SCAF11: variants seen among roughly 807,000 people sequenced by gnomAD.
SCAF11 encodes protein SCAF11.
SCAF11 carries 47 observed loss-of-function variants against 140.5 expected under a neutral mutation model. That is an observed-to-expected ratio of 0.33 (90% CI 0.26 to 0.43). SCAF11 has a LOEUF of 0.43. SCAF11 is among the 20% of genes least tolerant of loss of function. The pLI, the probability that SCAF11 is intolerant of heterozygous loss-of-function variation, is 1.00. For missense variants in SCAF11, 1,645 were observed against 1,705.1 expected, an observed-to-expected ratio of 0.96 and a Z score of 0.62; for synonymous variants, 557 against 579.4, an observed-to-expected ratio of 0.96 and a Z score of 0.55.
chr12:45,931,460 T>C, intron 10 of SCAF11, 46 bp downstream of exon 10: 1 of 1,000,396 alleles, frequency 1.0e-6, no homozygotes, highest in Non-Finnish European at 1.4e-6. Flanking sequence ...TGGAAGAAAC[T>C]AATAATAATA....
chr12:45,933,296 G>C, intron 8 of SCAF11, 64 bp from the exon 9 acceptor site: 1 of 1,145,158 alleles, frequency 8.7e-7, no homozygotes, highest in Non-Finnish European at 1.3e-6. Context: ...AAACAATTAG[G>C]TTGTACAAAG....
chr12:45,991,764 G>A (rs1262505485), upstream of SCAF11: 5 of 625,880 alleles, frequency 8.0e-6, no homozygotes, highest in Non-Finnish European at 1.1e-5. Flanking sequence ...CAAGCTTCCG[G>A]TTGCTCTGCC....
chr12:45,942,867 C>A (rs1024683771), intron 6 of SCAF11, among the ~76,000 whole-genome samples: 2 of 152,142 alleles, frequency 1.3e-5, no homozygotes, highest in African/African-American at 2.4e-5. Context: ...CGTTTGTCTA[C>A]GAGAAGATCC....
intron 3 of SCAF11, among the ~76,000 whole-genome samples, chr12:45,956,541 C>T (rs1450157107): frequency 6.6e-6 from 1 of 152,118 alleles, no homozygotes; most frequent in Admixed American, 6.6e-5. Flanking sequence ...CTTTGTCAAT[C>T]CATATTAGTG....
intron 6 of SCAF11, among the ~76,000 whole-genome samples, chr12:45,940,955 T>C (rs760423016): frequency 6.6e-6 from 1 of 152,096 alleles, no homozygotes; most frequent in Non-Finnish European, 1.5e-5. Context: ...CAGGTGTGTA[T>C]CACCACACTT....
In SCAF11 at chr12:45,934,492, G is replaced by C; in HGVS notation, c.477C>G (p.Tyr159Ter). The C allele has an allele frequency of 6.3e-7, 1 of 1,586,152 alleles. No homozygotes were observed. Among genetic ancestry groups the C allele is most frequent in the Non-Finnish European group, 8.5e-7 (1 of 1,171,062 alleles). The change falls in exon 7 of 15, where the codon TAC becomes TAG. Residue 159 changes from tyrosine (Y) to a stop codon, truncating the protein, a stop_gained. Coordinates refer to ENST00000369367, the MANE Select transcript of SCAF11 (RefSeq NM_004719.3). LOFTEE classifies it high-confidence loss of function. ...DLKWIHRNSL[Y>*]SETGGKKNAA... Reference sequence around the variant, plus strand: ...CATTTTTCTTTCCTCCTGTTTCACTGTATAAAGAGTTTCCTGTACAAAGAC... The same window carrying C: ...CATTTTTCTTTCCTCCTGTTTCACTCTATAAAGAGTTTCCTGTACAAAGAC...
intron 1 of SCAF11, among the ~76,000 whole-genome samples, chr12:45,964,716 A>G (rs550340161): frequency 2.0e-5 from 3 of 152,146 alleles, no homozygotes; most frequent in African/African-American, 7.2e-5. Flanking sequence ...TAAGCAACAA[A>G]GCCTAAATGA....
At chr12:45,954,507 A>T (rs914517902) in intron 3 of SCAF11, among the ~76,000 whole-genome samples, 1 of 151,022 alleles carries the variant, frequency 6.6e-6, no homozygotes, top group Non-Finnish European at 1.5e-5. Flanking sequence ...TAATGGCGTG[A>T]GCTGCTGTAC....
rs1051099824 is a variant in SCAF11, at chr12:45,926,152, T to C, written c.3549A>G (p.Thr1183=). The change falls in exon 11 of 15, where the codon ACA becomes ACG. Residue 1183 remains threonine (T), a synonymous_variant. Transcript: ENST00000369367. ...QSGWMKQEEE[T]SGQDSSLKDQ... ...ACAAGAATACATTACCCTGTCCAGATGTTTCCTCCTCTTGTTTCATCCATC... is the reference window on the plus strand; with the variant it reads ...ACAAGAATACATTACCCTGTCCAGACGTTTCCTCCTCTTGTTTCATCCATC... 2 of 1,611,246 alleles carry C rather than the reference T, an allele frequency of 1.2e-6. No homozygotes were observed. The highest frequency in any genetic ancestry group is 1.7e-6 in the Non-Finnish European group (2 of 1,178,064).
chr12:45,928,371 C>T lies in SCAF11; in HGVS notation c.1330G>A (p.Ala444Thr). 1 of 1,614,122 alleles carries T rather than the reference C, an allele frequency of 6.2e-7. No individual in the cohort carries two copies. Among genetic ancestry groups the T allele is most frequent in the Non-Finnish European group, 8.5e-7 (1 of 1,180,004 alleles). Reference sequence around the variant, plus strand: ...TCATTGCAACTTTTCAAGCAATTAGCAGACTGGTTTTCTACATGAGTCTGC... The same window carrying T: ...TCATTGCAACTTTTCAAGCAATTAGTAGACTGGTTTTCTACATGAGTCTGC... ...TVQTHVENQS[A>T]NCLKSCNEQI... Residue 444 changes from alanine to threonine, a missense_variant, in exon 11 of 15, where the codon GCT becomes ACT. Ala to Thr is a moderately conservative substitution (Grantham distance 58, BLOSUM62 0). Around this residue, in one of 2 missense-constraint regions of SCAF11, gnomAD observed 1,582 missense variants for 1,609.2 expected, o/e 0.98. Transcript: ENST00000369367.
rs1386109057 is a variant in SCAF11 at position 45,942,362 on chromosome 12, GAAC to G, written c.463+2884_463+2886del. On this transcript the variant is annotated intron_variant, in intron 6 of 14. Transcript: ENST00000369367. The stretch of plus-strand genomic sequence containing the variant: ...AGAAAAACGTCACCTAAAATAAAAA[GAAC>G]AAAAAAGAAAAAAGCCACCTAAATA... Among the ~76,000 whole-genome samples the G allele has an allele frequency of 5.9e-5, 9 of 152,110 alleles. No homozygotes were observed. In the East Asian group the frequency reaches 1.5e-3, roughly 26 times the overall value.
intron 2 of SCAF11, 29 bp downstream of exon 2, chr12:45,964,074 CAACA>C (rs1443729105): frequency 1.9e-5 from 22 of 1,177,256 alleles, no homozygotes; most frequent in Middle Eastern, 1.9e-4. Context: ...GTTTTGCTTT[CAACA>C]AACAAACTTT....
At chr12:45,954,733 C>CTTTTTTTTTTTTTTTT (rs759746881) in intron 3 of SCAF11, 1 of 93,912 alleles carries the variant, frequency 1.1e-5, no homozygotes, top group Non-Finnish European at 1.9e-5. Context: ...CCGTGCCTAG[C>CTTTTTTTTTTTTTTTT]TTTTTTTTTT....
intron 6 of SCAF11, among the ~76,000 whole-genome samples, chr12:45,937,389 T>C (rs1945194515): frequency 6.6e-6 from 1 of 152,216 alleles, no homozygotes; most frequent in Non-Finnish European, 1.5e-5. Flanking sequence ...ATTAAGTTTT[T>C]TAAAGTTATT....
At position 45,928,467 on chromosome 12, in the gene SCAF11, C is replaced by G; in HGVS notation, c.1234G>C (p.Glu412Gln). 1 of 1,613,010 alleles carries G rather than the reference C, an allele frequency of 6.2e-7. No individual in the cohort carries two copies. The highest frequency in any genetic ancestry group is 8.5e-7 in the Non-Finnish European group (1 of 1,179,312). ...TCTAACACAGGTGATGTGTCAGATTCTGCTGTTTCTTCATCTACTGAATCA... is the reference window on the plus strand; with the variant it reads ...TCTAACACAGGTGATGTGTCAGATTGTGCTGTTTCTTCATCTACTGAATCA... Reference protein sequence around the residue: ...SNDSVDEETAESDTSPVLEKE... With the variant: ...SNDSVDEETAQSDTSPVLEKE... The change falls in exon 11 of 15, where the codon GAA (glutamate) becomes CAA (glutamine). Residue 412 changes from glutamate to glutamine, a missense_variant. By Grantham distance (29) the Glu-to-Gln change is conservative. Coordinates refer to ENST00000369367, the MANE Select transcript of SCAF11 (RefSeq NM_004719.3).
intron 1 of SCAF11, among the ~76,000 whole-genome samples, chr12:45,971,537 T>A (rs1423925146): frequency 6.6e-6 from 1 of 152,168 alleles, no homozygotes; most frequent in African/African-American, 2.4e-5. Flanking sequence ...CAGAATCCCC[T>A]GGCCTGGGAT....
intron 1 of SCAF11, among the ~76,000 whole-genome samples, chr12:45,971,484 T>C (rs896205319): frequency 2.0e-5 from 3 of 152,174 alleles, no homozygotes. Context: ...CAGAATCTGA[T>C]GCATCATCAA....
At chr12:45,964,290 G>A in intron 1 of SCAF11, 102 bp from the exon 2 acceptor site, 1 of 631,360 alleles carries the variant, frequency 1.6e-6, no homozygotes, top group South Asian at 2.0e-5. Flanking sequence ...ACACATAAAA[G>A]AACACAGTAC....
Position 45,953,714 on chromosome 12 carries a change from T to C in SCAF11, c.220-1987A>G, listed in dbSNP as rs558576522. On this transcript the variant is annotated intron_variant, in intron 3 of 14. Coordinates refer to ENST00000369367, the MANE Select transcript of SCAF11 (RefSeq NM_004719.3). ...GTTTTTTCGTAAAAACTAAGATGTA[T>C]AGAGGCCATGAATTTACTGTGCTAC... 4.0e-4 allele frequency: 88 copies of C among 218,024 alleles called. 2 individuals carry two copies. The South Asian group carries it at 4.8e-3, about 12-fold the overall frequency. The allele number at this position is 218,024 out of a possible 1,614,324, so 13.5% of individuals were successfully genotyped here.
Sources: allele counts gnomAD v4.1 joint callset (sites outside exome capture counted in the v4.1 genomes callset), GRCh38; gene constraint gnomAD v4.1.1; regional missense constraint gnomAD v4.1.1; transcripts MANE v1.5; gene names NCBI Gene and HGNC (gene_info 2026-07-23, HGNC 2026-07-21).